ATP10B: variants seen among roughly 807,000 people sequenced by gnomAD.
The protein encoded by ATP10B is ATPase phospholipid transporting 10B (putative).
ATP10B carries 122 observed loss-of-function variants against 141.2 expected under a neutral mutation model. The observed-to-expected ratio is 0.86, with a 90% CI of 0.75 to 1.00. The LOEUF (loss-of-function observed/expected upper bound fraction) is 1.00. ATP10B is among the 50% of genes least tolerant of loss of function. The probability of loss-of-function intolerance (pLI) is 0.00; values close to 1 mark genes in which losing one functional copy is unlikely to be tolerated. For synonymous variants in ATP10B, 685 were observed against 692.0 expected, an observed-to-expected ratio of 0.99 and a Z score of 0.16; for missense variants, 1,876 against 1,825.3, an observed-to-expected ratio of 1.03 and a Z score of -0.51.
Position 160,591,092 on chromosome 5 carries a change from G to A in ATP10B, c.3612C>T (p.Tyr1204=). Residue 1204 remains tyrosine (Y), a synonymous_variant, in exon 23 of 26, where the codon TAC becomes TAT. Transcript: ENST00000327245. ...GGATAAAGAAACAGATGAGGCTCTGGTAGAATGCATCCACCATAGAAATCC... is the reference window on the plus strand; with the variant it reads ...GGATAAAGAAACAGATGAGGCTCTGATAGAATGCATCCACCATAGAAATCC... ...TFWISMVDAF[Y]QSLICFFIPY... 1 of 1,614,018 alleles carries A rather than the reference G, an allele frequency of 6.2e-7. No homozygotes were observed. Among genetic ancestry groups the A allele is most frequent in the East Asian group, 2.2e-5 (1 of 44,880 alleles).
chr5:160,929,071 C>G, the ATP10B span, among the ~76,000 whole-genome samples: 1 of 152,198 alleles, frequency 6.6e-6, no homozygotes, highest in African/African-American at 2.4e-5. Context: ...AGGGTGAAAA[C>G]AGCTTGTAGC....
At chr5:160,872,798 T>TC in the ATP10B span, among the ~76,000 whole-genome samples, 1 of 152,224 alleles carries the variant, frequency 6.6e-6, no homozygotes, top group Non-Finnish European at 1.5e-5. Context: ...TAGTTTGATA[T>TC]CAGGTAATGT....
At chr5:160,835,825 C>T (rs190833948) in intron 1 of ATP10B, among the ~76,000 whole-genome samples, 6 of 152,186 alleles carry the variant, frequency 3.9e-5, no homozygotes, top group Admixed American at 3.9e-4. Context: ...GTTTTCTGCC[C>T]TCTGATTGGT....
the ATP10B span, among the ~76,000 whole-genome samples, chr5:160,883,523 A>C: frequency 5.9e-5 from 9 of 152,150 alleles, no homozygotes; most frequent in Non-Finnish European, 1.0e-4. Context: ...ATAGTAAATT[A>C]AGCACTAGAA....
At chr5:160,622,354 C>A in intron 14 of ATP10B, 40 bp downstream of exon 14, 1 of 1,561,364 alleles carries the variant, frequency 6.4e-7, no homozygotes, top group Non-Finnish European at 8.7e-7. Context: ...TACTCCTCTA[C>A]CTCCTTTACC....
chr5:160,716,205 A>G (rs1385017740), intron 3 of ATP10B, among the ~76,000 whole-genome samples: 2 of 152,222 alleles, frequency 1.3e-5, no homozygotes, highest in African/African-American at 4.8e-5. Flanking sequence ...AAATTGTAAC[A>G]TATTTATATA....
Position 160,641,258 on chromosome 5 carries a change from T to C in ATP10B, c.869-666A>G, listed in dbSNP as rs369023959. On this transcript the variant is annotated intron_variant, in intron 9 of 25. Coordinates refer to ENST00000327245, the MANE Select transcript of ATP10B (RefSeq NM_025153.3). ...GAGTTTTAGGCTGGGGAACTGTATA[T>C]GCAAAAGCCCTGTGGTAGGACAGTG... Among the ~76,000 whole-genome samples, 23 of 152,296 alleles carry C rather than the reference T, an allele frequency of 1.5e-4. 1 individual carries two copies. The highest frequency in any genetic ancestry group is 1.2e-3 in the East Asian group (6 of 5,186).
intron 2 of ATP10B, among the ~76,000 whole-genome samples, chr5:160,729,873 G>A (rs1261238130): frequency 6.6e-6 from 1 of 152,132 alleles, no homozygotes; most frequent in African/African-American, 2.4e-5. Flanking sequence ...AGCCTTGTCT[G>A]TCAAGTCAAG....
intron 7 of ATP10B, among the ~76,000 whole-genome samples, chr5:160,653,530 TA>T (rs1311798464): frequency 7.3e-6 from 1 of 136,638 alleles, no homozygotes; most frequent in African/African-American, 2.7e-5. Flanking sequence ...TATATACATA[TA>T]TTACATATAC....
upstream of ATP10B, among the ~76,000 whole-genome samples, chr5:160,854,782 G>C (rs1479915143): frequency 6.6e-5 from 10 of 152,018 alleles, no homozygotes; most frequent in Admixed American, 6.6e-4. Flanking sequence ...ACTCCCTATT[G>C]GTGCTAATTT....
intron 1 of ATP10B, among the ~76,000 whole-genome samples, chr5:160,806,795 C>T (rs938637831): frequency 6.6e-6 from 1 of 152,174 alleles, no homozygotes; most frequent in Non-Finnish European, 1.5e-5. Flanking sequence ...CTGTAAATGG[C>T]AGAGTAAAGA....
At chr5:160,918,951 C>T in the ATP10B span, among the ~76,000 whole-genome samples, 4 of 150,880 alleles carry the variant, frequency 2.7e-5, no homozygotes, top group South Asian at 2.1e-4. Flanking sequence ...GTGGGCCGGG[C>T]GCGGTGGCTC....
intron 2 of ATP10B, among the ~76,000 whole-genome samples, chr5:160,761,006 A>C (rs925701608): frequency 1.3e-5 from 2 of 152,102 alleles, no homozygotes; most frequent in Admixed American, 1.3e-4. Flanking sequence ...CAGAAACCCA[A>C]GTACTCATCC....
the ATP10B span, among the ~76,000 whole-genome samples, chr5:160,869,524 C>A: frequency 7.0e-4 from 106 of 152,198 alleles, no homozygotes; most frequent in South Asian, 0.018. Flanking sequence ...CCTTTAGATT[C>A]CCCCTGCACT....
intron 1 of ATP10B, among the ~76,000 whole-genome samples, chr5:160,836,620 A>G (rs575985342): frequency 3.3e-4 from 50 of 152,196 alleles, no homozygotes; most frequent in African/African-American, 1.2e-3. Flanking sequence ...CTTGCAAACT[A>G]TCTTTGCTTC....
chr5:160,911,738 A>G, the ATP10B span, among the ~76,000 whole-genome samples: 2 of 152,236 alleles, frequency 1.3e-5, no homozygotes, highest in Non-Finnish European at 2.9e-5. Flanking sequence ...GAAGGGGGTC[A>G]TCAGAGGATT....
chr5:160,644,319 T>A, intron 8 of ATP10B, 75 bp from the exon 9 acceptor site: 1 of 1,014,416 alleles, frequency 9.9e-7, no homozygotes, highest in Non-Finnish European at 1.6e-6. Flanking sequence ...GTCACAGAAC[T>A]AGAAGTGGTG....
At chr5:160,661,865 T>C (rs1761938991) in intron 7 of ATP10B, among the ~76,000 whole-genome samples, 2 of 152,162 alleles carry the variant, frequency 1.3e-5, no homozygotes, top group African/African-American at 4.8e-5. Context: ...ATTGTCCCTG[T>C]TTGCAGGTGA....
chr5:160,690,985 A>G (rs1040195332), intron 3 of ATP10B, among the ~76,000 whole-genome samples: 1 of 152,246 alleles, frequency 6.6e-6, no homozygotes, highest in Non-Finnish European at 1.5e-5. Context: ...GACTGGATAA[A>G]GAAAATGTGG....
Sources: gnomAD v4.1 joint callset for allele counts (sites outside exome capture counted in the v4.1 genomes callset) on GRCh38, gnomAD v4.1.1 for gene constraint, MANE v1.5 for transcripts, NCBI Gene and HGNC (gene_info 2026-07-23, HGNC 2026-07-21) for gene names.